LHX5: variants seen among roughly 807,000 people sequenced by gnomAD.
The protein encoded by LHX5 is LIM/homeobox protein Lhx5.
A neutral mutation model predicts 30.6 loss-of-function variants in LHX5; 5 were observed. That is an observed-to-expected ratio of 0.16 (90% confidence interval 0.09 to 0.34). The LOEUF is 0.34. Ranked by LOEUF, LHX5 falls within the 10% of genes least tolerant of loss-of-function variation. The pLI is 1.00. For missense variants in LHX5, 458 were observed against 570.6 expected (o/e 0.80, Z 2.01); for synonymous variants, 266 against 252.6 (o/e 1.05, Z -0.50).
Position 113,467,339 on chromosome 12 carries a change from C to T in LHX5, c.758G>A (p.Arg253Gln), listed in dbSNP as rs1182220666. 4 of 1,586,312 alleles carry T rather than the reference C, an allele frequency of 2.5e-6. No homozygotes were observed. Among genetic ancestry groups the T allele is most frequent in the Non-Finnish European group, 3.4e-6 (4 of 1,163,550 alleles). ...CAGCGGACGCATGCGCCGCGGACTC[C>T]GGAAGAAGGCGTGCCTCCGGGCGCC... ...ALGARRHAFF[R>Q]SPRRMRPLGG... Residue 253 changes from arginine (R) to glutamine (Q), a missense_variant, in exon 4 of 5, where the codon CGG becomes CAG. This residue lies in a region of LHX5 where 255 missense variants were observed against 246.8 expected (regional missense o/e 1.03). Coordinates refer to ENST00000261731, the MANE Select transcript of LHX5 (RefSeq NM_022363.3). This position sits in a 1 kb window ranked among gnomAD's most constrained non-coding sequence, Gnocchi z 6.3.
rs1958221393 is a variant in LHX5, at chr12:113,467,361, C to A, written c.736G>T (p.Ala246Ser). 1 of 1,588,070 alleles carries A rather than the reference C, an allele frequency of 6.3e-7. No homozygotes were observed. Among genetic ancestry groups the A allele is most frequent in the East Asian group, 2.3e-5 (1 of 43,584 alleles). ...RRMKQLSALGARRHAFFRSPR... is the reference protein window; with the variant it reads ...RRMKQLSALGSRRHAFFRSPR... ...CTCCGGAAGAAGGCGTGCCTCCGGG[C>A]GCCTAGGGCGCTCAGCTGTTTCATC... is the stretch of plus-strand genomic sequence containing the variant. The change falls in exon 4 of 5, where the codon GCC becomes TCC. Residue 246 changes from alanine (A) to serine (S), a missense_variant. Transcript: ENST00000261731. This position sits in a 1 kb window ranked among gnomAD's most constrained non-coding sequence, Gnocchi z 6.3.
In LHX5 at chr12:113,464,043, C is replaced by T. The variant is rs553228146; in HGVS notation, c.842-486G>A. The stretch of plus-strand genomic sequence containing the variant: ...GCAGAGAGAAAGGCGGAAAAGAGAC[C>T]CAGAGACGCGGAGTCCGCGGCTGAG... On this transcript the variant is annotated intron_variant, in intron 4 of 4. Transcript: ENST00000261731. The surrounding 1 kb of genome is among the most constrained non-coding windows in gnomAD (Gnocchi z 6.2). 1.3e-4 allele frequency among the ~76,000 whole-genome samples: 20 copies of T among 152,194 alleles called. No homozygotes were observed. Among genetic ancestry groups the T allele is most frequent in the African/African-American group, 3.4e-4 (14 of 41,518 alleles).
Position 113,463,243 on chromosome 12 carries a change from T to A in LHX5, c.1156A>T (p.Ser386Cys). The change falls in exon 5 of 5, where the codon AGC becomes TGC. Residue 386 changes from serine (S) to cysteine (C), a missense_variant. Ser to Cys is a moderately radical substitution (Grantham distance 112). This residue lies in a region of LHX5 where 255 missense variants were observed against 246.8 expected (regional missense o/e 1.03). Coordinates refer to ENST00000261731, the MANE Select transcript of LHX5 (RefSeq NM_022363.3). This position sits in a 1 kb window ranked among gnomAD's most constrained non-coding sequence, Gnocchi z 6.7. ...PFPMSGTSGY[S>C]GPLSHPNPEL... is the part of the protein sequence containing the mutation. ...GGGTTGGGATGCGACAGGGGTCCGC[T>A]GTAGCCGCTGGTGCCGCTCATTGGG... 1 of 1,526,264 alleles carries A rather than the reference T, an allele frequency of 6.6e-7. No individual in the cohort carries two copies. The allele number at this position is 1,526,264 out of a possible 1,614,324, so 94.5% of individuals were successfully genotyped here. A position where few individuals can be genotyped will look rare whatever the true frequency, so the allele number is the denominator to read the frequency against.
rs1002814525 is a variant in LHX5, at chr12:113,463,688, A to G, written c.842-131T>C. ...GCGCGACACCGACCCAAGGTTAGAG[A>G]GACCTGCGGAGGCCGGCGCCCCTTG... On this transcript the variant is annotated intron_variant, in intron 4 of 4. Coordinates refer to ENST00000261731, the MANE Select transcript of LHX5 (RefSeq NM_022363.3). The surrounding 1 kb of genome is among the most constrained non-coding windows in gnomAD (Gnocchi z 6.7). 5.7e-5 allele frequency: 53 copies of G among 934,124 alleles called. No homozygotes were observed. The highest frequency in any genetic ancestry group is 7.4e-5 in the Non-Finnish European group (48 of 649,394). 57.9% of individuals were successfully genotyped at this position (934,124 alleles called of 1,614,324 possible).
chr12:113,471,864 C>A lies in LHX5; in HGVS notation c.-366G>T. 4.0e-6 allele frequency: 1 copy of A among 248,540 alleles called. No individual in the cohort carries two copies. The allele number at this position is 248,540 out of a possible 1,614,324, so 15.4% of individuals were successfully genotyped here. A position where few individuals can be genotyped will look rare whatever the true frequency, so the allele number is the denominator to read the frequency against. On this transcript the variant is annotated 5_prime_UTR_variant, in exon 1 of 5. Transcript: ENST00000261731. ...ACTTTCAAGCGGTCCGGATCCTCAT[C>A]TTTGTCTGGTCGCCGCGTAATTCGC...
At position 113,465,666 on chromosome 12, in the gene LHX5, G is replaced by T. The variant is rs1958210396; in HGVS notation, c.841+1590C>A. Among the ~76,000 whole-genome samples, 1 of 152,238 alleles carries T rather than the reference G, an allele frequency of 6.6e-6. No individual in the cohort carries two copies. Among genetic ancestry groups the T allele is most frequent in the Non-Finnish European group, 1.5e-5 (1 of 68,032 alleles). On this transcript the variant is annotated intron_variant, in intron 4 of 4. Transcript: ENST00000261731. This position sits in a 1 kb window ranked among gnomAD's most constrained non-coding sequence, Gnocchi z 6.7. ...GGCGGTGGGATAGGTCGGGGCGGGG[G>T]CGAAGTGGTCCTCGGGGAAACCTTG...
Position 113,471,533 on chromosome 12 carries a change from C to T in LHX5, c.-35G>A. On this transcript the variant is annotated 5_prime_UTR_variant, in exon 1 of 5. Coordinates refer to ENST00000261731, the MANE Select transcript of LHX5 (RefSeq NM_022363.3). ...CCCCGGCGGCTTCGGCCGCCTTGCC[C>T]TCCCTTTGGGCCCCTGGCCCTCGGG... 6.4e-7 allele frequency: 1 copy of T among 1,554,630 alleles called. No homozygotes were observed. Among genetic ancestry groups the T allele is most frequent in the Non-Finnish European group, 8.7e-7 (1 of 1,149,382 alleles).
Position 113,469,388 on chromosome 12 carries a change from C to A in LHX5, c.174-43G>T. On this transcript the variant is annotated intron_variant, in intron 1 of 4. Coordinates refer to ENST00000261731, the MANE Select transcript of LHX5 (RefSeq NM_022363.3). ...CTGTCACTATGGGGTGGGACTGCAT[C>A]CAGCCCTCCCCAGCCCCTGACCTCT... The A allele has an allele frequency of 2.6e-6, 4 of 1,550,600 alleles. No individual in the cohort carries two copies. The South Asian group carries it at 3.6e-5, about 14-fold the overall frequency.
rs111911059 is a variant in LHX5 at position 113,467,470 on chromosome 12, C to T, written c.676-49G>A. On this transcript the variant is annotated intron_variant, in intron 3 of 4. Transcript: ENST00000261731. The surrounding 1 kb of genome is among the most constrained non-coding windows in gnomAD (Gnocchi z 6.3). Reference sequence around the variant, plus strand: ...AACCCAGGATCAGGAGTGTCCTCTCCCCCCCTCTTCTCCCTTCCCTGACTG... The same window carrying T: ...AACCCAGGATCAGGAGTGTCCTCTCTCCCCCTCTTCTCCCTTCCCTGACTG... 33,031 of 1,386,400 alleles carry T rather than the reference C, an allele frequency of 0.024. 468 individuals are homozygous for T. Among genetic ancestry groups the T allele is most frequent in the Middle Eastern group, 0.06 (308 of 5,172 alleles). The allele number at this position is 1,386,400 out of a possible 1,614,324, so 85.9% of individuals were successfully genotyped here.
chr12:113,469,133 C>A lies in LHX5; in HGVS notation c.386G>T (p.Ser129Ile), dbSNP rs1958231514. The change falls in exon 2 of 5, where the codon AGC becomes ATC. Residue 129 changes from serine (S) to isoleucine (I), a missense_variant. Physicochemically the swap from Ser to Ile is moderately radical, Grantham distance 142 (BLOSUM62 -2). This residue lies in a region of LHX5 where 178 missense variants were observed against 238.5 expected (regional missense o/e 0.75). Transcript: ENST00000261731. ...CCCAGGCTTCCTACCTGAGTTGAGG[C>A]TGCCCTCCTTGAGGCTGGATGAGCT... Reference protein sequence around the residue: ...YLSSSSLKEGSLNSVSSCTDR... With the variant: ...YLSSSSLKEGILNSVSSCTDR... 1.9e-6 allele frequency: 3 copies of A among 1,612,814 alleles called. No individual in the cohort carries two copies. In the African/African-American group the frequency reaches 4.0e-5, roughly 22 times the overall value.
intron 1 of LHX5, among the ~76,000 whole-genome samples, chr12:113,469,833 G>C (rs1958237358): frequency 6.6e-6 from 1 of 152,234 alleles, no homozygotes; most frequent in African/African-American, 2.4e-5. Context: ...GCCATGAGGT[G>C]GGGAGCCCTT....
Position 113,468,417 on chromosome 12 carries a change from G to C in LHX5, c.398-13C>G, listed in dbSNP as rs199631605. On this transcript the variant is annotated splice_polypyrimidine_tract_variant and intron_variant, in intron 2 of 4. Transcript: ENST00000261731. ...GTACAGGATGACACTGCGGGCGGAC[G>C]GATCGGGAAGGGGACAGCGGCGTCA... The C allele has an allele frequency of 1.9e-6, 3 of 1,599,694 alleles. No homozygotes were observed. The highest frequency in any genetic ancestry group is 1.1e-5 in the South Asian group (1 of 89,780).
chr12:113,463,116 G>C lies in LHX5; in HGVS notation c.*74C>G, dbSNP rs1593326122. ...CCACGTCTCCCACCGCGTCTGCGTCGGGCGTTTTGGTTTCAGGAGGCTGCT... is the reference window on the plus strand; with the variant it reads ...CCACGTCTCCCACCGCGTCTGCGTCCGGCGTTTTGGTTTCAGGAGGCTGCT... On this transcript the variant is annotated 3_prime_UTR_variant, in exon 5 of 5. Coordinates refer to ENST00000261731, the MANE Select transcript of LHX5 (RefSeq NM_022363.3). The surrounding 1 kb of genome is among the most constrained non-coding windows in gnomAD (Gnocchi z 6.7). The C allele has an allele frequency of 1.6e-6, 2 of 1,276,168 alleles. No homozygotes were observed. The highest frequency in any genetic ancestry group is 2.1e-6 in the Non-Finnish European group (2 of 963,580). The allele number at this position is 1,276,168 out of a possible 1,614,324, so 79.1% of individuals were successfully genotyped here. A position where few individuals can be genotyped will look rare whatever the true frequency, so the allele number is the denominator to read the frequency against.
chr12:113,468,065 C>T (rs527792254), intron 3 of LHX5, 62 bp downstream of exon 3: 1 of 1,456,744 alleles, frequency 6.9e-7, no homozygotes, highest in Non-Finnish European at 9.0e-7. Context: ...CGGGAGACTC[C>T]TCCGAGGCTC....
Position 113,463,157 on chromosome 12 carries a change from C to T in LHX5, c.*33G>A. 1 of 1,466,618 alleles carries T rather than the reference C, an allele frequency of 6.8e-7. No individual in the cohort carries two copies. The highest frequency in any genetic ancestry group is 8.9e-7 in the Non-Finnish European group (1 of 1,119,046). The allele number at this position is 1,466,618 out of a possible 1,614,324, so 90.9% of individuals were successfully genotyped here. Reference sequence around the variant, plus strand: ...GGAGGCTGCTTCGGGGCGGGGCCCCCGGGGGCCGAGCGCGGGGGGCGGCCC... The same window carrying T: ...GGAGGCTGCTTCGGGGCGGGGCCCCTGGGGGCCGAGCGCGGGGGGCGGCCC... On this transcript the variant is annotated 3_prime_UTR_variant, in exon 5 of 5. Coordinates refer to ENST00000261731, the MANE Select transcript of LHX5 (RefSeq NM_022363.3). The surrounding 1 kb of genome is among the most constrained non-coding windows in gnomAD (Gnocchi z 6.7).
Position 113,463,081 on chromosome 12 carries a change from CG to C in LHX5, c.*108del, listed in dbSNP as rs1958185647. On this transcript the variant is annotated 3_prime_UTR_variant, in exon 5 of 5. Transcript: ENST00000261731. The surrounding 1 kb of genome is among the most constrained non-coding windows in gnomAD (Gnocchi z 6.7). ...GAGTGCGGACCCGAGAGAGAACCCCCGAGGGACACCCACGTCTCCCACCGCG... is the reference window on the plus strand; with the variant it reads ...GAGTGCGGACCCGAGAGAGAACCCCCAGGGACACCCACGTCTCCCACCGCG... The C allele has an allele frequency of 1.0e-6, 1 of 979,400 alleles. No homozygotes were observed. Among genetic ancestry groups the C allele is most frequent in the Non-Finnish European group, 1.4e-6 (1 of 703,676 alleles). 60.7% of individuals were successfully genotyped at this position (979,400 alleles called of 1,614,324 possible).
At chr12:113,469,462 A>C (rs1958234442) in intron 1 of LHX5, 117 bp from the exon 2 acceptor site, 1 of 875,350 alleles carries the variant, frequency 1.1e-6, no homozygotes. Flanking sequence ...TATCTGTCAA[A>C]CGGAACCCCA....
Position 113,463,712 on chromosome 12 carries a change from T to A in LHX5, c.842-155A>T, listed in dbSNP as rs2136975803. On this transcript the variant is annotated intron_variant, in intron 4 of 4. Transcript: ENST00000261731. The surrounding 1 kb of genome is among the most constrained non-coding windows in gnomAD (Gnocchi z 6.7). ...GAGACCTGCGGAGGCCGGCGCCCCT[T>A]GAGACGGTGGACGTCGCAGGCTCAC... is the stretch of plus-strand genomic sequence containing the variant. Among the ~76,000 whole-genome samples, 1 of 151,994 alleles carries A rather than the reference T, an allele frequency of 6.6e-6. No individual in the cohort carries two copies. Among genetic ancestry groups the A allele is most frequent in the Admixed American group, 6.5e-5 (1 of 15,290 alleles).
rs764820309 is a variant in LHX5 at position 113,467,208 on chromosome 12, C to T, written c.841+48G>A. The T allele has an allele frequency of 5.3e-5, 74 of 1,384,180 alleles. No individual in the cohort carries two copies. The highest frequency in any genetic ancestry group is 6.6e-5 in the Non-Finnish European group (70 of 1,060,708). The allele number at this position is 1,384,180 out of a possible 1,614,324, so 85.7% of individuals were successfully genotyped here. The stretch of plus-strand genomic sequence containing the variant: ...TGGCCGGGACCCTTCGCCCTCAGCT[C>T]CCGGAATAGGACAGGTGCGGAACAG... On this transcript the variant is annotated intron_variant, in intron 4 of 4. Coordinates refer to ENST00000261731, the MANE Select transcript of LHX5 (RefSeq NM_022363.3). The surrounding 1 kb of genome is among the most constrained non-coding windows in gnomAD (Gnocchi z 6.3).
Sources: allele counts gnomAD v4.1 joint callset (sites outside exome capture counted in the v4.1 genomes callset), GRCh38; gene constraint gnomAD v4.1.1; regional missense constraint gnomAD v4.1.1; non-coding constraint Gnocchi (gnomAD v3.1); transcripts MANE v1.5; gene names NCBI Gene and HGNC (gene_info 2026-07-23, HGNC 2026-07-21).